The following CADM2 variants were observed in gnomAD, a reference collection of about 807,000 sequenced individuals.
CADM2 encodes cell adhesion molecule 2.
CADM2 carries 12 observed loss-of-function variants against 49.8 expected under a neutral mutation model. The observed-to-expected ratio is 0.24, with a 90% CI of 0.15 to 0.39. The LOEUF is 0.39. Among genes scored for constraint, CADM2 ranks in the 10% least tolerant of loss-of-function variants. The probability of loss-of-function intolerance (pLI) is 1.00; values close to 1 mark genes in which losing one functional copy is unlikely to be tolerated. For missense variants in CADM2, 378 were observed against 492.3 expected (o/e 0.77, Z 2.20); for synonymous variants, 214 against 175.4 (o/e 1.22, Z -1.74).
chr3:85,868,196 T>C (rs973326415), intron 3 of CADM2, among the ~76,000 whole-genome samples: 1 of 152,064 alleles, frequency 6.6e-6, no homozygotes, highest in African/African-American at 2.4e-5. Context: ...TATTATAGAA[T>C]AGATACCATA....
chr3:85,296,822 C>T (rs1401635599), intron 1 of CADM2, among the ~76,000 whole-genome samples: 1 of 151,994 alleles, frequency 6.6e-6, no homozygotes, highest in East Asian at 1.9e-4. Context: ...AGGTGTATAC[C>T]CTTATCTTTT....
chr3:85,898,966 T>TA (rs61117499), intron 5 of CADM2, among the ~76,000 whole-genome samples: 1 of 88,080 alleles, frequency 1.1e-5, no homozygotes, highest in Non-Finnish European at 2.2e-5. Context: ...TTTTTTTTTT[T>TA]TTTTTTTTTT....
chr3:85,437,269 A>C (rs2036974687), intron 1 of CADM2, among the ~76,000 whole-genome samples: 1 of 152,156 alleles, frequency 6.6e-6, no homozygotes, highest in Admixed American at 6.6e-5. Context: ...AGGACATCTT[A>C]ATCGCTTCTA....
At chr3:85,020,867 G>A (rs1247508525) in intron 1 of CADM2, among the ~76,000 whole-genome samples, 1 of 151,856 alleles carries the variant, frequency 6.6e-6, no homozygotes, top group Non-Finnish European at 1.5e-5. Flanking sequence ...GTATTTTGTA[G>A]CACAGGAAAA....
intron 8 of CADM2, among the ~76,000 whole-genome samples, chr3:86,008,992 G>T (rs1731139239): frequency 6.6e-6 from 1 of 151,110 alleles, no homozygotes; most frequent in African/African-American, 2.4e-5. Context: ...ATTTGGCAGT[G>T]TAGCTCTCGC....
chr3:85,004,699 G>A (rs2033641717), intron 1 of CADM2, among the ~76,000 whole-genome samples: 1 of 152,138 alleles, frequency 6.6e-6, no homozygotes. Context: ...CCCCGAAGCA[G>A]GAGAAGAATT....
At chr3:85,948,458 A>G (rs959884174) in intron 7 of CADM2, among the ~76,000 whole-genome samples, 1 of 151,450 alleles carries the variant, frequency 6.6e-6, no homozygotes, top group African/African-American at 2.4e-5. Flanking sequence ...TCATTTCTGC[A>G]TAAATATACA....
At chr3:85,694,771 G>A (rs140709538) in intron 1 of CADM2, among the ~76,000 whole-genome samples, 4 of 151,998 alleles carry the variant, frequency 2.6e-5, no homozygotes, top group South Asian at 2.1e-4. Context: ...GTGCTTAATC[G>A]TTTCCATAGT....
rs534245694 is a variant in CADM2 at position 84,989,391 on chromosome 3, A to T, written c.61+29723A>T. 2.0e-5 allele frequency among the ~76,000 whole-genome samples: 3 copies of T among 152,258 alleles called. No homozygotes were observed. The South Asian group carries it at 6.2e-4, about 32-fold the overall frequency. The stretch of plus-strand genomic sequence containing the variant: ...CAATATGTAGTTATTTAAATAGATA[A>T]GTCTTTAACAATAGCAATCAAAATT... On this transcript the variant is annotated intron_variant, in intron 1 of 9. Transcript: ENST00000383699.
intron 3 of CADM2, among the ~76,000 whole-genome samples, chr3:85,875,997 A>G (rs1711781019): frequency 6.6e-6 from 1 of 152,278 alleles, no homozygotes; most frequent in Middle Eastern, 3.4e-3. Context: ...ACTTGGGTGG[A>G]AAGCACATGC....
At chr3:86,063,199 A>G (rs1224864901) in intron 8 of CADM2, among the ~76,000 whole-genome samples, 1 of 152,208 alleles carries the variant, frequency 6.6e-6, no homozygotes, top group Non-Finnish European at 1.5e-5. Flanking sequence ...ATCCGCAGAT[A>G]TGCACAATTC....
At chr3:85,419,112 A>G (rs1444430426) in intron 1 of CADM2, among the ~76,000 whole-genome samples, 1 of 151,600 alleles carries the variant, frequency 6.6e-6, no homozygotes, top group Non-Finnish European at 1.5e-5. Context: ...GGTCTAACTC[A>G]TTTAGACTAG....
intron 1 of CADM2, among the ~76,000 whole-genome samples, chr3:85,197,974 T>G (rs1445934296): frequency 2.0e-5 from 3 of 151,842 alleles, no homozygotes; most frequent in Non-Finnish European, 4.4e-5. Flanking sequence ...TCCCATAAAT[T>G]CTCATCACTG....
chr3:85,505,128 T>TGCA (rs1365352672), intron 1 of CADM2, among the ~76,000 whole-genome samples: 2 of 152,192 alleles, frequency 1.3e-5, no homozygotes, highest in Non-Finnish European at 2.9e-5. Flanking sequence ...GCTCCCACAG[T>TGCA]GCAGCGGCGG....
intron 1 of CADM2, among the ~76,000 whole-genome samples, chr3:85,698,747 C>T (rs2066650801): frequency 1.3e-5 from 2 of 152,170 alleles, no homozygotes; most frequent in South Asian, 4.1e-4. Flanking sequence ...CAGGGAATTA[C>T]ATGAGATTTG....
Position 85,503,658 on chromosome 3 carries a change from T to C in CADM2, c.62-222864T>C, listed in dbSNP as rs142635032. On this transcript the variant is annotated intron_variant, in intron 1 of 9. Coordinates refer to ENST00000383699, the MANE Select transcript of CADM2 (RefSeq NM_001167675.2). ...TTTCCCTACATACCAATTTGGATAA[T>C]TGGAGTTAATGAGACCAAACGATCA... Among the ~76,000 whole-genome samples, 8 of 152,324 alleles carry C rather than the reference T, an allele frequency of 5.3e-5. No individual in the cohort carries two copies. The East Asian group carries it at 1.4e-3, about 26-fold the overall frequency.
At chr3:85,265,618 A>G (rs1559749961) in intron 1 of CADM2, among the ~76,000 whole-genome samples, 1 of 152,064 alleles carries the variant, frequency 6.6e-6, no homozygotes, top group Non-Finnish European at 1.5e-5. Flanking sequence ...TCACCAATTA[A>G]AAGTCCCACC....
At chr3:85,871,891 A>T (rs77418629) in intron 3 of CADM2, among the ~76,000 whole-genome samples, 82 of 152,282 alleles carry the variant, frequency 5.4e-4, no homozygotes, top group African/African-American at 1.9e-3. Context: ...ATTCCCCAAA[A>T]TATTTGCATG....
At chr3:85,530,048 C>A (rs1414356791) in intron 1 of CADM2, among the ~76,000 whole-genome samples, 1 of 152,030 alleles carries the variant, frequency 6.6e-6, no homozygotes, top group Non-Finnish European at 1.5e-5. Context: ...TCCCCATAAT[C>A]GCCATGTGCC....
Sources: gnomAD v4.1 joint callset for allele counts (sites outside exome capture counted in the v4.1 genomes callset) on GRCh38, gnomAD v4.1.1 for gene constraint, MANE v1.5 for transcripts, NCBI Gene and HGNC (gene_info 2026-07-23, HGNC 2026-07-21) for gene names.